KIAA1217: variants seen among roughly 807,000 people sequenced by gnomAD.
The protein encoded by KIAA1217 is KIAA1217, also known as sickle tail protein homolog.
KIAA1217 carries 88 observed loss-of-function variants against 163.9 expected under a neutral mutation model. That is an observed-to-expected ratio of 0.54 (90% CI 0.45 to 0.64). The LOEUF is 0.64. Among genes scored for constraint, KIAA1217 ranks in the 30% least tolerant of loss-of-function variants. The probability of loss-of-function intolerance (pLI) is 0.00; values close to 1 mark genes in which losing one functional copy is unlikely to be tolerated. For synonymous variants in KIAA1217, 903 were observed against 923.1 expected, an observed-to-expected ratio of 0.98 and a Z score of 0.39; for missense variants, 2,372 against 2,475.0, an observed-to-expected ratio of 0.96 and a Z score of 0.88.
intron 2 of KIAA1217, among the ~76,000 whole-genome samples, chr10:24,155,072 A>T (rs2064814371): frequency 2.0e-5 from 3 of 152,234 alleles, no homozygotes; most frequent in Admixed American, 2.0e-4. Flanking sequence ...ATGGTTGCAG[A>T]TGAGTGTGAA....
chr10:24,380,914 G>A lies in KIAA1217; in HGVS notation c.400G>A (p.Gly134Ser). ...LSHSPQPPSL[G>S]DPVEHLSETS... is the part of the protein sequence containing the mutation. Reference sequence around the variant, plus strand: ...TCACAGTCCTCAACCACCCAGTCTGGGTGACCCGGTCGAGCATTTATCAGA... The same window carrying A: ...TCACAGTCCTCAACCACCCAGTCTGAGTGACCCGGTCGAGCATTTATCAGA... The change falls in exon 3 of 21, where the codon GGT becomes AGT. Residue 134 changes from glycine to serine, a missense_variant. Around this residue, in one of 3 missense-constraint regions of KIAA1217, gnomAD observed 1,431 missense variants for 1,470.3 expected, o/e 0.97. Coordinates refer to ENST00000376454, the MANE Select transcript of KIAA1217 (RefSeq NM_019590.5). 6.2e-7 allele frequency: 1 copy of A among 1,603,652 alleles called. No homozygotes were observed. Among genetic ancestry groups the A allele is most frequent in the Non-Finnish European group, 8.5e-7 (1 of 1,173,986 alleles).
At chr10:24,153,852 G>A (rs1366629096) in intron 2 of KIAA1217, among the ~76,000 whole-genome samples, 1 of 152,082 alleles carries the variant, frequency 6.6e-6, no homozygotes, top group Non-Finnish European at 1.5e-5. Flanking sequence ...CCGGGCTTAT[G>A]CCTGTAATCT....
At chr10:23,964,569 G>C (rs925068579) in intron 1 of KIAA1217, among the ~76,000 whole-genome samples, 3 of 151,374 alleles carry the variant, frequency 2.0e-5, no homozygotes, top group Non-Finnish European at 4.4e-5. Flanking sequence ...TGTAACAGTT[G>C]AATTTTTTTT....
At chr10:24,029,770 T>G (rs756259149) in intron 2 of KIAA1217, among the ~76,000 whole-genome samples, 5 of 152,198 alleles carry the variant, frequency 3.3e-5, no homozygotes, top group Non-Finnish European at 7.3e-5. Context: ...TTGCCCATGA[T>G]GCGTAGAGTG....
intron 1 of KIAA1217, among the ~76,000 whole-genome samples, chr10:23,809,140 G>T (rs1020902105): frequency 6.6e-6 from 1 of 151,966 alleles, no homozygotes; most frequent in Non-Finnish European, 1.5e-5. Flanking sequence ...CAGTTCAAAC[G>T]TGTCCTTGAG....
In KIAA1217 at chr10:24,284,658, T is replaced by C. The variant is rs188344235; in HGVS notation, c.354+64749T>C. Among the ~76,000 whole-genome samples, 185 of 152,306 alleles carry C rather than the reference T, an allele frequency of 1.2e-3. 1 individual carries two copies. Among genetic ancestry groups the C allele is most frequent in the African/African-American group, 4.4e-3 (183 of 41,570 alleles). On this transcript the variant is annotated intron_variant, in intron 2 of 20. Coordinates refer to ENST00000376454, the MANE Select transcript of KIAA1217 (RefSeq NM_019590.5). Reference sequence around the variant, plus strand: ...GGGCCCCTAGGTTGATTCCATGTCTTTGCTGAGTTCTGTGTCTTTGTCAAT... The same window carrying C: ...GGGCCCCTAGGTTGATTCCATGTCTCTGCTGAGTTCTGTGTCTTTGTCAAT...
At chr10:24,003,763 T>C (rs1846862283) in intron 1 of KIAA1217, among the ~76,000 whole-genome samples, 1 of 152,220 alleles carries the variant, frequency 6.6e-6, no homozygotes, top group Admixed American at 6.5e-5. Context: ...ATTCTACTAC[T>C]GTAGTAATTT....
rs12262285 is a variant in KIAA1217 at position 24,188,143 on chromosome 10, G to T, written c.-170-31483G>T. On this transcript the variant is annotated intron_variant, in intron 2 of 18. Transcript: ENST00000376462. The stretch of plus-strand genomic sequence containing the variant: ...GCCTGGGAGGCAGAGTTTGCAGTGA[G>T]CCGAGAACCCACCACTGCACTCCAG... 9.7e-3 allele frequency among the ~76,000 whole-genome samples: 1,470 copies of T among 152,254 alleles called. 21 individuals are homozygous for T. The highest frequency in any genetic ancestry group is 0.032 in the African/African-American group (1,344 of 41,532).
At chr10:24,189,691 G>A (rs1204985076) in intron 2 of KIAA1217, among the ~76,000 whole-genome samples, 1 of 152,082 alleles carries the variant, frequency 6.6e-6, no homozygotes, top group East Asian at 1.9e-4. Context: ...TTTTATGTTT[G>A]GTTTGATGAA....
intron 2 of KIAA1217, among the ~76,000 whole-genome samples, chr10:24,365,373 G>A (rs1477106381): frequency 4.7e-5 from 7 of 149,916 alleles, no homozygotes; most frequent in East Asian, 2.0e-4. Flanking sequence ...ACTTATCATC[G>A]CTCTGTGATT....
At chr10:24,448,212 T>G (rs2061109515) in intron 5 of KIAA1217, among the ~76,000 whole-genome samples, 1 of 151,864 alleles carries the variant, frequency 6.6e-6, no homozygotes, top group Non-Finnish European at 1.5e-5. Context: ...TAAGTGTTCA[T>G]CAGAAATACA....
intron 6 of KIAA1217, 72 bp from the exon 7 acceptor site, chr10:24,494,428 G>T: frequency 8.0e-7 from 1 of 1,242,628 alleles, no homozygotes; most frequent in Non-Finnish European, 1.2e-6. Flanking sequence ...TAACCCTCAG[G>T]TGGTGCATTC....
chr10:24,187,172 T>A (rs1197604361), intron 2 of KIAA1217, among the ~76,000 whole-genome samples: 1 of 152,140 alleles, frequency 6.6e-6, no homozygotes, highest in Non-Finnish European at 1.5e-5. Context: ...ATAGACCCCA[T>A]CTTTGACTCA....
intron 1 of KIAA1217, among the ~76,000 whole-genome samples, chr10:23,870,145 G>A (rs1236412700): frequency 6.6e-6 from 1 of 152,044 alleles, no homozygotes; most frequent in Non-Finnish European, 1.5e-5. Flanking sequence ...AAATCCAGCT[G>A]GGCTGGATTG....
chr10:24,239,691 GTGTGTT>G (rs1400532546), intron 2 of KIAA1217, among the ~76,000 whole-genome samples: 4 of 133,304 alleles, frequency 3.0e-5, no homozygotes, highest in South Asian at 4.7e-4. Context: ...GTGTGTGTGT[GTGTGTT>G]TGTGTGTGTG....
chr10:24,204,200 C>A (rs2067422479), upstream of KIAA1217, among the ~76,000 whole-genome samples: 1 of 152,074 alleles, frequency 6.6e-6, no homozygotes, highest in Non-Finnish European at 1.5e-5. Context: ...GCGAGGGGCT[C>A]CTGGGCACCT....
intron 1 of KIAA1217, among the ~76,000 whole-genome samples, chr10:23,937,822 G>A (rs1843596370): frequency 6.6e-6 from 1 of 152,190 alleles, no homozygotes; most frequent in East Asian, 1.9e-4. Context: ...AGCAAGCAAT[G>A]TAGGACAGGG....
chr10:24,410,917 C>T (rs752427778), intron 3 of KIAA1217, among the ~76,000 whole-genome samples: 1 of 152,252 alleles, frequency 6.6e-6, no homozygotes, highest in South Asian at 2.1e-4. Flanking sequence ...GTCCTTCGTG[C>T]GTGTCTTCTT....
At chr10:24,119,862 C>G (rs1199785739) in intron 2 of KIAA1217, among the ~76,000 whole-genome samples, 1 of 152,216 alleles carries the variant, frequency 6.6e-6, no homozygotes, top group Non-Finnish European at 1.5e-5. Flanking sequence ...TTAAAATGAT[C>G]TGTGCTTCCT....
Sources: gnomAD v4.1 joint callset for allele counts (sites outside exome capture counted in the v4.1 genomes callset) on GRCh38, gnomAD v4.1.1 for gene constraint, gnomAD v4.1.1 regional missense constraint, MANE v1.5 for transcripts, NCBI Gene and HGNC (gene_info 2026-07-23, HGNC 2026-07-21) for gene names.